The following TOM1 variants were observed in gnomAD, a reference collection of about 807,000 sequenced individuals.
The protein encoded by TOM1 is target of Myb protein 1.
TOM1 carries 38 observed loss-of-function variants against 61.3 expected under a neutral mutation model. That is an observed-to-expected ratio of 0.62 (90% CI 0.48 to 0.81). The LOEUF (loss-of-function observed/expected upper bound fraction) is 0.81. Among genes scored for constraint, TOM1 ranks in the 40% least tolerant of loss-of-function variants. The pLI is 0.00. For synonymous variants in TOM1, 270 were observed against 268.8 expected, an observed-to-expected ratio of 1.00 and a Z score of -0.04; for missense variants, 591 against 659.6, an observed-to-expected ratio of 0.90 and a Z score of 1.14.
intron 13 of TOM1, among the ~76,000 whole-genome samples, chr22:35,346,384 T>C (rs1272707748): frequency 6.6e-6 from 1 of 152,214 alleles, no homozygotes; most frequent in African/African-American, 2.4e-5. Context: ...GAAGCCGCCT[T>C]CTGCAGGTGA....
rs1927798430 is a variant in TOM1 at position 35,321,665 on chromosome 22, C to G, written c.138-294C>G. 6.0e-6 allele frequency: 3 copies of G among 497,654 alleles called. No individual in the cohort carries two copies. The Admixed American group carries it at 6.9e-5, about 11-fold the overall frequency. 30.8% of individuals were successfully genotyped at this position (497,654 alleles called of 1,614,324 possible). ...CCACCTGCCTCAGCCTCCCAAAGTC[C>G]TGGGATTACAGGCATGAGCCACCGC... On this transcript the variant is annotated intron_variant, in intron 2 of 14. Transcript: ENST00000449058.
rs763314023 is a variant in TOM1 at position 35,323,626 on chromosome 22, A to G, written c.497A>G (p.Gln166Arg). ...ATGCTGTCACCCATCCACACACCCC[A>G]GAGGGTGAGAGAACTGCCGTACCGG... is the stretch of plus-strand genomic sequence containing the variant. ...LDMLSPIHTP[Q>R]RTVFNSETQS... The change falls in exon 5 of 15, where the codon CAG becomes CGG. Residue 166 changes from glutamine (Q) to arginine (R), a missense_variant. Gln to Arg is a conservative substitution (Grantham distance 43). Coordinates refer to ENST00000449058, the MANE Select transcript of TOM1 (RefSeq NM_005488.3). The surrounding 1 kb of genome is among the most constrained non-coding windows in gnomAD (Gnocchi z 4.2). 19 of 1,614,032 alleles carry G rather than the reference A, an allele frequency of 1.2e-5. No individual in the cohort carries two copies. Among genetic ancestry groups the G allele is most frequent in the South Asian group, 2.2e-5 (2 of 91,088 alleles).
At chr22:35,346,846 G>C (rs1364386208) in intron 13 of TOM1, 84 bp from the exon 14 acceptor site, 1 of 1,327,050 alleles carries the variant, frequency 7.5e-7, no homozygotes, top group Admixed American at 1.8e-5. Flanking sequence ...GGTTCAGCGG[G>C]GCCCGAGCTG....
intron 1 of TOM1, among the ~76,000 whole-genome samples, chr22:35,300,277 G>A (rs190899761): frequency 6.6e-6 from 1 of 152,268 alleles, no homozygotes. Flanking sequence ...AATCGAGGGA[G>A]AAAGTTTTCG....
intron 1 of TOM1, among the ~76,000 whole-genome samples, chr22:35,315,287 A>G (rs562218125): frequency 2.8e-4 from 43 of 152,072 alleles, no homozygotes; most frequent in Non-Finnish European, 4.9e-4. Context: ...CTAGGGAGGG[A>G]GATGACACTA....
intron 1 of TOM1, among the ~76,000 whole-genome samples, chr22:35,300,910 T>A (rs1403087665): frequency 6.6e-6 from 1 of 151,842 alleles, no homozygotes; most frequent in Non-Finnish European, 1.5e-5. Context: ...AAAAAACAGT[T>A]GTAATATTTA....
At chr22:35,342,814 C>T (rs947234381) in intron 12 of TOM1, among the ~76,000 whole-genome samples, 1 of 144,882 alleles carries the variant, frequency 6.9e-6, no homozygotes, top group South Asian at 2.2e-4. Context: ...TACACTCATA[C>T]ACCTACACAG....
At chr22:35,316,640 C>G (rs1183571304) in intron 1 of TOM1, among the ~76,000 whole-genome samples, 2 of 152,234 alleles carry the variant, frequency 1.3e-5, no homozygotes, top group African/African-American at 2.4e-5. Flanking sequence ...GCCTGGAAAT[C>G]TTACCCTAGG....
Position 35,334,711 on chromosome 22 carries a change from G to A in TOM1, c.1148+263G>A, listed in dbSNP as rs547320576. On this transcript the variant is annotated intron_variant, in intron 11 of 14. Transcript: ENST00000449058. Reference sequence around the variant, plus strand: ...GCCAGAATCTTACATAGTCTGATCAGAGGGGGAAACTGAGGCACAGAGAGG... The same window carrying A: ...GCCAGAATCTTACATAGTCTGATCAAAGGGGGAAACTGAGGCACAGAGAGG... Among the ~76,000 whole-genome samples the A allele has an allele frequency of 6.6e-5, 10 of 152,326 alleles. No homozygotes were observed. The East Asian group carries it at 1.4e-3, about 21-fold the overall frequency.
At chr22:35,335,099 C>G (rs1929190340) in intron 11 of TOM1, among the ~76,000 whole-genome samples, 1 of 152,268 alleles carries the variant, frequency 6.6e-6, no homozygotes, top group South Asian at 2.1e-4. Flanking sequence ...TGACCCCTTG[C>G]CGGGACCTGC....
chr22:35,316,831 G>A (rs1927334046), intron 1 of TOM1, among the ~76,000 whole-genome samples: 1 of 152,002 alleles, frequency 6.6e-6, no homozygotes, highest in Non-Finnish European at 1.5e-5. Context: ...TGTTTATTTT[G>A]GGCCCGTACC....
intron 1 of TOM1, 147 bp from the exon 2 acceptor site, chr22:35,317,729 CA>C: frequency 1.5e-6 from 1 of 653,148 alleles, no homozygotes; most frequent in East Asian, 2.7e-5. Context: ...CAGTCTCACA[CA>C]GGGCCAGGCC....
intron 6 of TOM1, among the ~76,000 whole-genome samples, chr22:35,326,733 A>T (rs898115338): frequency 6.6e-6 from 1 of 150,826 alleles, no homozygotes; most frequent in Admixed American, 6.6e-5. Context: ...GCGGGATCCC[A>T]GTCCTCTAGG....
At chr22:35,346,380 G>T (rs1229245470) in intron 13 of TOM1, among the ~76,000 whole-genome samples, 4 of 152,222 alleles carry the variant, frequency 2.6e-5, no homozygotes, top group Non-Finnish European at 4.4e-5. Flanking sequence ...CCCAGAAGCC[G>T]CCTTCTGCAG....
At chr22:35,332,227 T>A (rs1480082486) in intron 8 of TOM1, among the ~76,000 whole-genome samples, 1 of 152,140 alleles carries the variant, frequency 6.6e-6, no homozygotes, top group Non-Finnish European at 1.5e-5. Flanking sequence ...CCCTGCCATT[T>A]TGGGGTATGG....
intron 1 of TOM1, among the ~76,000 whole-genome samples, chr22:35,308,737 C>T (rs1926565915): frequency 6.6e-6 from 1 of 152,222 alleles, no homozygotes; most frequent in African/African-American, 2.4e-5. Flanking sequence ...GCCTTCACAG[C>T]CTCACTTCTT....
intron 7 of TOM1, 28 bp from the exon 8 acceptor site, chr22:35,330,317 CTG>C: frequency 3.1e-6 from 5 of 1,590,600 alleles, no homozygotes; most frequent in Non-Finnish European, 4.3e-6. Flanking sequence ...AGTCATGTGA[CTG>C]TGGTTGCCTC....
At position 35,302,330 on chromosome 22, in the gene TOM1, C is replaced by CT. The variant is rs138734; in HGVS notation, c.52+2372dup. 5.6e-3 allele frequency among the ~76,000 whole-genome samples: 394 copies of CT among 70,896 alleles called. 12 individuals are homozygous for CT. Among genetic ancestry groups the CT allele is most frequent in the East Asian group, 0.016 (37 of 2,258 alleles). The allele number at this position is 70,896 out of a possible 152,430, so 46.5% of individuals were successfully genotyped here. Reference sequence around the variant, plus strand: ...TTTTTTTCTTTTTCTTTTTCTTTTTCTTTTTTTTTTTTTTTTTTTTTTGAG... The same window carrying CT: ...TTTTTTTCTTTTTCTTTTTCTTTTTCTTTTTTTTTTTTTTTTTTTTTTTGAG... On this transcript the variant is annotated intron_variant, in intron 1 of 14. Coordinates refer to ENST00000449058, the MANE Select transcript of TOM1 (RefSeq NM_005488.3).
chr22:35,327,420 A>G, intron 7 of TOM1, 33 bp downstream of exon 7: 3 of 1,486,322 alleles, frequency 2.0e-6, no homozygotes, highest in Non-Finnish European at 9.3e-7. Context: ...TGGGGCTCAG[A>G]TGACTCCTGC....
Sources: gnomAD v4.1 joint callset for allele counts (sites outside exome capture counted in the v4.1 genomes callset) on GRCh38, gnomAD v4.1.1 for gene constraint, Gnocchi (gnomAD v3.1) non-coding constraint, MANE v1.5 for transcripts, NCBI Gene and HGNC (gene_info 2026-07-23, HGNC 2026-07-21) for gene names.